Variants in SLC44A1 observed in about 807,000 individuals in gnomAD.
SLC44A1 encodes the protein choline transporter-like protein 1.
In SLC44A1, 26 loss-of-function variants were observed where a neutral mutation model predicts 79.3. The observed-to-expected ratio is 0.33, with a 90% CI of 0.24 to 0.46. SLC44A1 has a LOEUF of 0.46. SLC44A1 is among the 20% of genes least tolerant of loss of function. The probability of loss-of-function intolerance (pLI) is 1.00; values close to 1 mark genes in which losing one functional copy is unlikely to be tolerated. For missense variants in SLC44A1, 688 were observed against 798.1 expected, an observed-to-expected ratio of 0.86 and a Z score of 1.66; for synonymous variants, 263 against 286.2, an observed-to-expected ratio of 0.92 and a Z score of 0.82.
intron 1 of SLC44A1, among the ~76,000 whole-genome samples, chr9:105,293,671 G>T (rs1830654465): frequency 1.3e-5 from 2 of 152,134 alleles, no homozygotes; most frequent in Non-Finnish European, 2.9e-5. Flanking sequence ...CGGCTAATTT[G>T]ACCTAATTGT....
chr9:105,434,508 A>T lies in SLC44A1; in HGVS notation c.1951-3773A>T, dbSNP rs562899307. 7.9e-5 allele frequency among the ~76,000 whole-genome samples: 12 copies of T among 152,316 alleles called. 1 individual carries two copies. The South Asian group carries it at 2.3e-3, about 29-fold the overall frequency. On this transcript the variant is annotated intron_variant, in intron 15 of 15. Transcript: ENST00000374724. ...TAAGATGGAAAAGATAAAAGTAGAG[A>T]TTCATTCCGGGGGATTCAATATCCA...
At chr9:105,300,777 A>T (rs1235234533) in intron 2 of SLC44A1, among the ~76,000 whole-genome samples, 1 of 142,582 alleles carries the variant, frequency 7.0e-6, no homozygotes, top group Non-Finnish European at 1.5e-5. Context: ...GGAGAAAAAA[A>T]ATTTTTTTTT....
chr9:105,292,275 A>G (rs1389629420), intron 1 of SLC44A1, among the ~76,000 whole-genome samples: 1 of 152,202 alleles, frequency 6.6e-6, no homozygotes, highest in Non-Finnish European at 1.5e-5. Flanking sequence ...TAGGAATCTC[A>G]CCAGTGACAT....
intron 15 of SLC44A1, among the ~76,000 whole-genome samples, chr9:105,414,313 C>A (rs1303788042): frequency 6.6e-6 from 1 of 152,116 alleles, no homozygotes; most frequent in Non-Finnish European, 1.5e-5. Flanking sequence ...CCTCGGCCTC[C>A]CAAAGTGCTG....
rs540389491 is a variant in SLC44A1, at chr9:105,364,791, G to T, written c.1253+71G>T. On this transcript the variant is annotated intron_variant, in intron 10 of 15. Coordinates refer to ENST00000374720, the MANE Select transcript of SLC44A1 (RefSeq NM_080546.5). Reference sequence around the variant, plus strand: ...GGTGTCCGCAGGCTGGAGGGGAAGGGAATCAGACTGGGGCTGGCAGGAGTT... The same window carrying T: ...GGTGTCCGCAGGCTGGAGGGGAAGGTAATCAGACTGGGGCTGGCAGGAGTT... The T allele has an allele frequency of 4.7e-5, 57 of 1,204,490 alleles. No homozygotes were observed. In the African/African-American group the frequency reaches 8.3e-4, roughly 18 times the overall value. The allele number at this position is 1,204,490 out of a possible 1,614,324, so 74.6% of individuals were successfully genotyped here.
intron 1 of SLC44A1, among the ~76,000 whole-genome samples, chr9:105,256,105 C>G (rs1395333416): frequency 4.6e-5 from 7 of 151,990 alleles, no homozygotes; most frequent in Admixed American, 4.6e-4. Context: ...CTCCACCTCC[C>G]AGACTCAAGC....
intron 12 of SLC44A1, among the ~76,000 whole-genome samples, chr9:105,367,648 G>A (rs962316576): frequency 3.9e-5 from 6 of 151,970 alleles, no homozygotes; most frequent in East Asian, 3.9e-4. Flanking sequence ...TCCTACTGCC[G>A]TACCCCCAGG....
At chr9:105,325,282 TATAGA>T (rs1447033655) in intron 3 of SLC44A1, among the ~76,000 whole-genome samples, 2 of 152,210 alleles carry the variant, frequency 1.3e-5, no homozygotes, top group African/African-American at 4.8e-5. Context: ...ATATGAAATG[TATAGA>T]ATAGACAAAT....
chr9:105,306,822 T>C (rs555106071), intron 2 of SLC44A1, among the ~76,000 whole-genome samples: 1 of 152,182 alleles, frequency 6.6e-6, no homozygotes, highest in East Asian at 1.9e-4. Flanking sequence ...AATGTACTTA[T>C]CAAACATAAG....
rs1190402551 is a variant in SLC44A1, at chr9:105,403,265, C to T, written c.1950+17763C>T. ...TTAGCAACCTGATAGGAAAGGAAAACACAAAGATCGATAGAATTTTATTCT... is the reference window on the plus strand; with the variant it reads ...TTAGCAACCTGATAGGAAAGGAAAATACAAAGATCGATAGAATTTTATTCT... On this transcript the variant is annotated intron_variant, in intron 15 of 15. Transcript: ENST00000374724. 2.0e-5 allele frequency among the ~76,000 whole-genome samples: 3 copies of T among 152,030 alleles called. No homozygotes were observed. In the East Asian group the frequency reaches 5.8e-4, roughly 29 times the overall value.
chr9:105,310,901 A>G (rs1040446971), intron 3 of SLC44A1, among the ~76,000 whole-genome samples: 4 of 152,222 alleles, frequency 2.6e-5, no homozygotes, highest in Non-Finnish European at 5.9e-5. Context: ...GAGTGTTTGT[A>G]TGGCATCCCA....
chr9:105,437,514 T>C (rs1321444626), intron 15 of SLC44A1, among the ~76,000 whole-genome samples: 3 of 152,100 alleles, frequency 2.0e-5, no homozygotes, highest in African/African-American at 7.2e-5. Context: ...ATTAGGTATA[T>C]AGTATATACC....
chr9:105,276,512 G>T (rs74847242), intron 1 of SLC44A1, among the ~76,000 whole-genome samples: 2,329 of 150,482 alleles, frequency 0.015, 65 homozygotes, highest in African/African-American at 0.053. Flanking sequence ...TATAGCAGAT[G>T]AAGATATGTA....
At chr9:105,268,050 T>A (rs1246458893) in intron 1 of SLC44A1, among the ~76,000 whole-genome samples, 1 of 152,158 alleles carries the variant, frequency 6.6e-6, no homozygotes, top group Non-Finnish European at 1.5e-5. Context: ...GGTTTCAATA[T>A]TCAGTGTATA....
At chr9:105,431,755 C>G (rs886929157) in intron 15 of SLC44A1, among the ~76,000 whole-genome samples, 7 of 152,172 alleles carry the variant, frequency 4.6e-5, no homozygotes, top group African/African-American at 1.7e-4. Flanking sequence ...AACTCATACA[C>G]CCATCTCAGC....
intron 1 of SLC44A1, among the ~76,000 whole-genome samples, chr9:105,265,776 T>A (rs960363219): frequency 6.6e-6 from 1 of 152,258 alleles, no homozygotes; most frequent in Non-Finnish European, 1.5e-5. Flanking sequence ...TCGTGAGCAC[T>A]TGGTATTGTC....
chr9:105,275,694 G>A (rs186837749), intron 1 of SLC44A1, among the ~76,000 whole-genome samples: 22 of 152,266 alleles, frequency 1.4e-4, no homozygotes, highest in Middle Eastern at 3.4e-3. Context: ...TGTCTGGTTT[G>A]AATCAGAGCA....
intron 1 of SLC44A1, among the ~76,000 whole-genome samples, chr9:105,251,031 T>G (rs893864328): frequency 6.6e-6 from 1 of 152,138 alleles, no homozygotes. Flanking sequence ...TCTAGGTAAT[T>G]TCATCCCTCG....
At chr9:105,384,312 C>G (rs1312667805) in intron 14 of SLC44A1, among the ~76,000 whole-genome samples, 1 of 151,992 alleles carries the variant, frequency 6.6e-6, no homozygotes, top group Non-Finnish European at 1.5e-5. Flanking sequence ...TCCCAAATAG[C>G]TGGGATTACA....
Sources: gnomAD v4.1 joint callset for allele counts (sites outside exome capture counted in the v4.1 genomes callset) on GRCh38, gnomAD v4.1.1 for gene constraint, MANE v1.5 for transcripts, NCBI Gene and HGNC (gene_info 2026-07-23, HGNC 2026-07-21) for gene names.